STON2: variants seen among roughly 807,000 people sequenced by gnomAD.
The protein encoded by STON2 is stonin-2.
STON2 carries 29 observed loss-of-function variants against 65.7 expected under a neutral mutation model. That is an observed-to-expected ratio of 0.44 (90% confidence interval 0.33 to 0.60). STON2 has a LOEUF of 0.60. STON2 is among the 20% of genes least tolerant of loss of function. STON2 has a pLI of 0.03. For synonymous variants in STON2, 404 were observed against 414.2 expected, an observed-to-expected ratio of 0.98 and a Z score of 0.30; for missense variants, 1,054 against 1,118.1, an observed-to-expected ratio of 0.94 and a Z score of 0.82.
chr14:81,277,530 T>C lies in STON2; in HGVS notation c.1952A>G (p.His651Arg). The change falls in exon 6 of 8, where the codon CAT becomes CGT. Residue 651 changes from histidine (H) to arginine (R), a missense_variant. Coordinates refer to ENST00000614646, the MANE Select transcript of STON2 (RefSeq NM_001394390.1). ...SKGDNQILQH[H>R]VLTRIHILSF... is the part of the protein sequence containing the mutation. Reference sequence around the variant, plus strand: ...CAGGATGTGGATCCGTGTCAAGACATGGTGCTGGAGAATCTGGTTGTCTCC... The same window carrying C: ...CAGGATGTGGATCCGTGTCAAGACACGGTGCTGGAGAATCTGGTTGTCTCC... The C allele has an allele frequency of 6.2e-7, 1 of 1,614,162 alleles. No individual in the cohort carries two copies. Among genetic ancestry groups the C allele is most frequent in the Non-Finnish European group, 8.5e-7 (1 of 1,180,026 alleles).
At chr14:81,312,121 TAAG>T (rs1171871145) in intron 5 of STON2, among the ~76,000 whole-genome samples, 2 of 152,166 alleles carry the variant, frequency 1.3e-5, no homozygotes, top group African/African-American at 4.8e-5. Flanking sequence ...TTCTCCCTCA[TAAG>T]AAGAGAGATT....
intron 4 of STON2, chr14:81,332,971 T>C: frequency 2.1e-6 from 1 of 478,488 alleles, no homozygotes; most frequent in Admixed American, 3.1e-5. Context: ...TCATTTCTTT[T>C]TAGCGACACC....
chr14:81,389,215 G>A (rs575949503), intron 3 of STON2, among the ~76,000 whole-genome samples: 2 of 152,338 alleles, frequency 1.3e-5, no homozygotes, highest in Admixed American at 6.5e-5. Flanking sequence ...TGATGCTGAT[G>A]TGATTGGGAA....
At chr14:81,345,251 A>G (rs1897767111) in intron 4 of STON2, among the ~76,000 whole-genome samples, 1 of 152,212 alleles carries the variant, frequency 6.6e-6, no homozygotes, top group African/African-American at 2.4e-5. Context: ...TGACCCTGGT[A>G]CCTCAGAATT....
At chr14:81,300,858 T>A (rs572557134) in intron 5 of STON2, among the ~76,000 whole-genome samples, 3 of 152,258 alleles carry the variant, frequency 2.0e-5, no homozygotes, top group Admixed American at 2.0e-4. Flanking sequence ...AAAATATGTC[T>A]ACAAATAGAC....
intron 5 of STON2, among the ~76,000 whole-genome samples, chr14:81,297,609 T>C (rs1033900054): frequency 6.6e-6 from 1 of 152,220 alleles, no homozygotes; most frequent in Non-Finnish European, 1.5e-5. Flanking sequence ...TGGCATGCTA[T>C]ATGATTTAAA....
chr14:81,435,114 C>A (rs1469023216), intron 1 of STON2, among the ~76,000 whole-genome samples: 1 of 152,190 alleles, frequency 6.6e-6, no homozygotes, highest in East Asian at 1.9e-4. Context: ...ACACAATATT[C>A]ATACCAATTT....
rs192522244 is a variant in STON2 at position 81,358,871 on chromosome 14, G to C, written c.571+12117C>G. On this transcript the variant is annotated intron_variant, in intron 4 of 7. Coordinates refer to ENST00000614646, the MANE Select transcript of STON2 (RefSeq NM_001394390.1). ...TATAAATACATAAGCCCCCAATATC[G>C]AAGCACCTAAATACATAAAACAAAC... Among the ~76,000 whole-genome samples the C allele has an allele frequency of 2.1e-3, 316 of 152,162 alleles. 2 individuals carry two copies. Among genetic ancestry groups the C allele is most frequent in the African/African-American group, 7.4e-3 (308 of 41,530 alleles).
chr14:81,425,752 A>T (rs1230847762), intron 2 of STON2, among the ~76,000 whole-genome samples: 1 of 152,196 alleles, frequency 6.6e-6, no homozygotes, highest in Non-Finnish European at 1.5e-5. Flanking sequence ...ATGCTTGAGC[A>T]TCTGCGATTC....
intron 5 of STON2, among the ~76,000 whole-genome samples, chr14:81,317,865 G>C (rs1313547652): frequency 6.6e-6 from 1 of 152,166 alleles, no homozygotes. Context: ...CAGTGGGAAT[G>C]GAAACAGAGG....
Position 81,297,679 on chromosome 14 carries a change from T to C in STON2, c.743-18940A>G, listed in dbSNP as rs572862181. On this transcript the variant is annotated intron_variant, in intron 5 of 7. Transcript: ENST00000614646. ...AGCACTTATTCATTCATTTTGAGGTTTGAGGTTTGTTTTGCTTCGTATAGT... is the reference window on the plus strand; with the variant it reads ...AGCACTTATTCATTCATTTTGAGGTCTGAGGTTTGTTTTGCTTCGTATAGT... Among the ~76,000 whole-genome samples the C allele has an allele frequency of 1.5e-3, 225 of 152,352 alleles. 1 individual carries two copies. Among genetic ancestry groups the C allele is most frequent in the Non-Finnish European group, 2.7e-3 (186 of 68,026 alleles).
intron 1 of STON2, among the ~76,000 whole-genome samples, chr14:81,432,608 G>C (rs970034219): frequency 6.6e-6 from 1 of 152,220 alleles, no homozygotes; most frequent in Non-Finnish European, 1.5e-5. Flanking sequence ...GCCTGAGTGA[G>C]AGGTCTGGAG....
upstream of STON2, among the ~76,000 whole-genome samples, chr14:81,402,134 A>T (rs916586008): frequency 1.4e-4 from 21 of 152,192 alleles, no homozygotes; most frequent in Middle Eastern, 3.2e-3. Flanking sequence ...TTCAAGGGGA[A>T]ATGAGAAGCT....
At chr14:81,381,225 T>TGA (rs1899498601) in intron 3 of STON2, among the ~76,000 whole-genome samples, 10 of 152,298 alleles carry the variant, frequency 6.6e-5, no homozygotes, top group African/African-American at 2.4e-4. Flanking sequence ...GTGAAGGCTA[T>TGA]ATAAGAAACA....
At chr14:81,423,423 C>G (rs1409243193) in intron 2 of STON2, among the ~76,000 whole-genome samples, 1 of 152,162 alleles carries the variant, frequency 6.6e-6, no homozygotes, top group Admixed American at 6.5e-5. Flanking sequence ...CTGTGGACTC[C>G]CTGTTAAAAA....
chr14:81,371,021 T>G lies in STON2; in HGVS notation c.538A>C (p.Thr180Pro), dbSNP rs138939263. Residue 180 changes from threonine (T) to proline (P), a missense_variant, in exon 4 of 8, where the codon ACG becomes CCG. Coordinates refer to ENST00000614646, the MANE Select transcript of STON2 (RefSeq NM_001394390.1). ...TCAGCCCCAGAAGCCTGGCCACTCG[T>G]CTGCTCCTCAGCATTGATGAGCTGC... is the stretch of plus-strand genomic sequence containing the variant. ...DLQLINAEEQ[T>P]SGQASGADST... is the part of the protein sequence containing the mutation. 6.2e-7 allele frequency: 1 copy of G among 1,613,184 alleles called. No homozygotes were observed. Among genetic ancestry groups the G allele is most frequent in the South Asian group, 1.1e-5 (1 of 91,032 alleles).
chr14:81,408,155 A>ACACACACG (rs1555407415), intron 2 of STON2, among the ~76,000 whole-genome samples: 5 of 128,508 alleles, frequency 3.9e-5, no homozygotes, highest in Admixed American at 3.1e-4. Context: ...ACACACACAC[A>ACACACACG]CACGCGCACA....
At chr14:81,366,730 T>C (rs538788128) in intron 4 of STON2, among the ~76,000 whole-genome samples, 54 of 152,230 alleles carry the variant, frequency 3.5e-4, no homozygotes, top group Non-Finnish European at 7.2e-4. Context: ...CCACATGCTA[T>C]AGTTTGAGTA....
intron 7 of STON2, chr14:81,269,565 C>T (rs987785171): frequency 3.0e-6 from 3 of 985,250 alleles, no homozygotes; most frequent in African/African-American, 1.7e-5. Context: ...ATTCAACACA[C>T]AACAGTCAGG....
Sources: gnomAD v4.1 joint callset for allele counts (sites outside exome capture counted in the v4.1 genomes callset) on GRCh38, gnomAD v4.1.1 for gene constraint, MANE v1.5 for transcripts, NCBI Gene and HGNC (gene_info 2026-07-23, HGNC 2026-07-21) for gene names.